P2RY12: variants seen among roughly 807,000 people sequenced by gnomAD.
P2RY12 encodes the protein P2Y purinoceptor 12.
A neutral mutation model predicts 4.5 loss-of-function variants in P2RY12; 3 were observed. The observed-to-expected ratio is 0.67, with a 90% CI of 0.31 to 1.74. The LOEUF (loss-of-function observed/expected upper bound fraction) is 1.74, where lower values mean the gene tolerates loss of function less well. Ranked by LOEUF, P2RY12 falls within the 40% of genes most tolerant of loss-of-function variation. The pLI, the probability that P2RY12 is intolerant of heterozygous loss-of-function variation, is 0.09. For missense variants in P2RY12, 356 were observed against 407.8 expected, an observed-to-expected ratio of 0.87 and a Z score of 1.09; for synonymous variants, 148 against 154.1, an observed-to-expected ratio of 0.96 and a Z score of 0.29.
intron 1 of P2RY12, among the ~76,000 whole-genome samples, chr3:151,345,643 G>A (rs1296986115): frequency 2.0e-5 from 3 of 149,944 alleles, no homozygotes; most frequent in Non-Finnish European, 3.0e-5. Flanking sequence ...TCAGCCTCCC[G>A]AGTAGCTGAA....
chr3:151,350,749 A>G (rs1753125968), intron 1 of P2RY12, among the ~76,000 whole-genome samples: 1 of 151,640 alleles, frequency 6.6e-6, no homozygotes, highest in Admixed American at 6.5e-5. Flanking sequence ...ATTTCAAATA[A>G]AAGAATTTGA....
intron 1 of P2RY12, chr3:151,360,424 C>T: frequency 1.9e-6 from 3 of 1,551,364 alleles, no homozygotes; most frequent in Non-Finnish European, 2.6e-6. Context: ...AAATGATAAC[C>T]CACATAGTAC....
At chr3:151,373,329 A>T (rs1756412661) in intron 1 of P2RY12, among the ~76,000 whole-genome samples, 1 of 152,148 alleles carries the variant, frequency 6.6e-6, no homozygotes, top group African/African-American at 2.4e-5. Flanking sequence ...TTGCACCTCA[A>T]GGGTGATGTT....
At chr3:151,365,433 G>A (rs1370862945) in intron 1 of P2RY12, among the ~76,000 whole-genome samples, 1 of 151,668 alleles carries the variant, frequency 6.6e-6, no homozygotes, top group Non-Finnish European at 1.5e-5. Context: ...TTTTCAATAT[G>A]GCCAACAATT....
intron 1 of P2RY12, chr3:151,369,663 G>A (rs909793936): frequency 1.4e-5 from 9 of 637,712 alleles, no homozygotes; most frequent in South Asian, 1.1e-4. Flanking sequence ...CTGTTTGATC[G>A]CTTATTCTCC....
chr3:151,371,256 G>A (rs945651148), intron 1 of P2RY12, among the ~76,000 whole-genome samples: 2 of 152,178 alleles, frequency 1.3e-5, no homozygotes, highest in African/African-American at 2.4e-5. Context: ...GAGTTAGGGA[G>A]ATGGGACCAT....
At chr3:151,360,417 T>C (rs894588934) in intron 1 of P2RY12, 13 of 1,526,360 alleles carry the variant, frequency 8.5e-6, no homozygotes, top group Admixed American at 5.7e-5. Flanking sequence ...AAGAGTCAAA[T>C]GATAACCCAC....
chr3:151,354,285 T>G (rs1753654037), intron 1 of P2RY12, among the ~76,000 whole-genome samples: 1 of 152,140 alleles, frequency 6.6e-6, no homozygotes, highest in African/African-American at 2.4e-5. Context: ...AAGCTAGCTT[T>G]GGATTTTATT....
chr3:151,377,629 C>T (rs759928427), intron 1 of P2RY12, among the ~76,000 whole-genome samples: 4 of 152,018 alleles, frequency 2.6e-5, no homozygotes, highest in African/African-American at 7.2e-5. Flanking sequence ...GTATAACTAG[C>T]GAATTTTAAA....
chr3:151,350,752 G>GAA (rs148747474), intron 1 of P2RY12, among the ~76,000 whole-genome samples: 4,176 of 152,242 alleles, frequency 0.027, 183 homozygotes, highest in African/African-American at 0.096. Context: ...TCAAATAAAA[G>GAA]AATTTGATCT....
intron 1 of P2RY12, among the ~76,000 whole-genome samples, chr3:151,342,688 G>C (rs1752021369): frequency 6.6e-6 from 1 of 152,106 alleles, no homozygotes; most frequent in African/African-American, 2.4e-5. Flanking sequence ...CCAAATGTTG[G>C]TCATCTTAAA....
chr3:151,375,508 C>G (rs1756723306), intron 1 of P2RY12, among the ~76,000 whole-genome samples: 1 of 152,004 alleles, frequency 6.6e-6, no homozygotes, highest in East Asian at 1.9e-4. Flanking sequence ...TGAAATTACC[C>G]TAAGAAAATT....
chr3:151,368,020 G>A, intron 1 of P2RY12: 1 of 841,960 alleles, frequency 1.2e-6, no homozygotes, highest in Non-Finnish European at 1.8e-6. Context: ...AAATAGCCAG[G>A]GCCTTATTTT....
chr3:151,364,879 G>A (rs1755080242), intron 1 of P2RY12: 6 of 792,024 alleles, frequency 7.6e-6, no homozygotes, highest in Non-Finnish European at 1.1e-5. Flanking sequence ...CTCTAGGAAT[G>A]CATTACAGTT....
At chr3:151,344,641 G>A (rs1752307889) in intron 1 of P2RY12, among the ~76,000 whole-genome samples, 1 of 152,162 alleles carries the variant, frequency 6.6e-6, no homozygotes, top group Non-Finnish European at 1.5e-5. Context: ...AGTAGAGCAT[G>A]CAAAAATTAG....
intron 1 of P2RY12, chr3:151,380,088 G>A (rs1157501026): frequency 7.2e-7 from 1 of 1,389,434 alleles, no homozygotes; most frequent in Non-Finnish European, 1.0e-6. Context: ...AACTAGATCT[G>A]TTGTTATTAT....
chr3:151,382,596 A>G (rs1269688566), intron 1 of P2RY12: 13 of 1,265,738 alleles, frequency 1.0e-5, no homozygotes, highest in African/African-American at 3.0e-5. Flanking sequence ...ATAAAGCTCA[A>G]TTTATCTTTA....
At chr3:151,342,454 C>T (rs1216140693) in intron 1 of P2RY12, among the ~76,000 whole-genome samples, 1 of 152,198 alleles carries the variant, frequency 6.6e-6, no homozygotes, top group African/African-American at 2.4e-5. Flanking sequence ...AGCAGCTCTG[C>T]ATCACTTGGG....
chr3:151,355,898 T>A, intron 1 of P2RY12: 3 of 1,608,092 alleles, frequency 1.9e-6, no homozygotes, highest in Non-Finnish European at 2.5e-6. Flanking sequence ...TTGCACAGAT[T>A]TCTAACAATG....
Sources: gnomAD v4.1 joint callset for allele counts (sites outside exome capture counted in the v4.1 genomes callset) on GRCh38, gnomAD v4.1.1 for gene constraint, MANE v1.5 for transcripts, NCBI Gene and HGNC (gene_info 2026-07-23, HGNC 2026-07-21) for gene names.